Variants in FAM120B observed in about 807,000 individuals in gnomAD.
The protein encoded by FAM120B is constitutive coactivator of peroxisome proliferator-activated receptor gamma.
FAM120B carries 83 observed loss-of-function variants against 96.3 expected under a neutral mutation model. That is an observed-to-expected ratio of 0.86 (90% confidence interval 0.72 to 1.03). The LOEUF (loss-of-function observed/expected upper bound fraction) is 1.03. Ranked by LOEUF, FAM120B falls within the 50% of genes least tolerant of loss-of-function variation. The probability of loss-of-function intolerance (pLI) is 0.00; values close to 1 mark genes in which losing one functional copy is unlikely to be tolerated. For missense variants in FAM120B, 1,027 were observed against 1,121.2 expected (o/e 0.92, Z 1.20); for synonymous variants, 407 against 402.7 (o/e 1.01, Z -0.13).
intron 1 of FAM120B, chr6:170,297,929 C>T (rs1434095782): frequency 6.6e-6 from 1 of 152,224 alleles, no homozygotes; most frequent in African/African-American, 2.4e-5. Context: ...AAATACCGGT[C>T]AATAGGCCAC....
At chr6:170,361,560 G>T (rs1483074184) in intron 6 of FAM120B, among the ~76,000 whole-genome samples, 1 of 152,106 alleles carries the variant, frequency 6.6e-6, no homozygotes, top group Non-Finnish European at 1.5e-5. Context: ...GAGCAGAAAT[G>T]ATGGCAGTTG....
upstream of FAM120B, among the ~76,000 whole-genome samples, chr6:170,293,860 CT>C (rs1783940308): frequency 6.6e-6 from 1 of 151,542 alleles, no homozygotes; most frequent in Non-Finnish European, 1.5e-5. Flanking sequence ...CTATAGGAGC[CT>C]GTTGTAGTTT....
intron 6 of FAM120B, among the ~76,000 whole-genome samples, chr6:170,365,180 T>G (rs922305718): frequency 6.6e-6 from 1 of 152,096 alleles, no homozygotes; most frequent in Non-Finnish European, 1.5e-5. Context: ...GAATACGTAT[T>G]TGTGTGTGTG....
At chr6:170,393,242 C>T (rs1315817845) in intron 8 of FAM120B, among the ~76,000 whole-genome samples, 10 of 151,382 alleles carry the variant, frequency 6.6e-5, no homozygotes, top group Admixed American at 5.3e-4. Flanking sequence ...CCATGACAAG[C>T]GGCTGAGAGA....
At position 170,360,954 on chromosome 6, in the gene FAM120B, C is replaced by G. The variant is rs533665944; in HGVS notation, c.2283+2636C>G. On this transcript the variant is annotated intron_variant, in intron 6 of 10. Transcript: ENST00000476287. ...GGTGCAGCCTCCCCACAGCCTGACT[C>G]TGTTCTGACTGCTTCACGTTGCAGT... Among the ~76,000 whole-genome samples, 864 of 151,932 alleles carry G rather than the reference C, an allele frequency of 5.7e-3. 1 individual carries two copies. The highest frequency in any genetic ancestry group is 9.8e-3 in the Non-Finnish European group (668 of 67,960).
At chr6:170,379,684 T>A (rs1251751434) in intron 6 of FAM120B, among the ~76,000 whole-genome samples, 1 of 152,204 alleles carries the variant, frequency 6.6e-6, no homozygotes, top group East Asian at 1.9e-4. Flanking sequence ...TTGAAAACTG[T>A]CTCATAATTA....
rs1298288500 is a variant in FAM120B, at chr6:170,406,292, T to G, written c.*1541T>G. The G allele has an allele frequency of 6.6e-6, 1 of 152,270 alleles. No homozygotes were observed. The highest frequency in any genetic ancestry group is 1.5e-5 in the Non-Finnish European group (1 of 68,074). 9.4% of individuals were successfully genotyped at this position (152,270 alleles called of 1,614,324 possible). On this transcript the variant is annotated 3_prime_UTR_variant, in exon 11 of 11. Coordinates refer to ENST00000476287, the MANE Select transcript of FAM120B (RefSeq NM_032448.3). The stretch of plus-strand genomic sequence containing the variant: ...CTCCTGCTGGGCCATGCCATGGCTC[T>G]GAAGATGCCCCGTGTTCTTAGGAGG...
In FAM120B at chr6:170,318,317, A is replaced by G. The variant is rs1241085281; in HGVS notation, c.927A>G (p.Gln309=). 5 of 1,614,082 alleles carry G rather than the reference A, an allele frequency of 3.1e-6. No individual in the cohort carries two copies. Among genetic ancestry groups the G allele is most frequent in the South Asian group, 1.1e-5 (1 of 91,088 alleles). The change falls in exon 2 of 11, where the codon CAA becomes CAG. Residue 309 remains glutamine (Q), a synonymous_variant. Transcript: ENST00000476287. The part of the protein sequence containing the change: ...KGMASYLLPG[Q]KSPWFFQKPK... The stretch of plus-strand genomic sequence containing the variant: ...TGGCATCATATCTTTTACCAGGACA[A>G]AAATCTCCATGGTTTTTCCAAAAAC...
Position 170,363,469 on chromosome 6 carries a change from G to T in FAM120B, c.2283+5151G>T, listed in dbSNP as rs1788589067. Among the ~76,000 whole-genome samples, 1 of 152,238 alleles carries T rather than the reference G, an allele frequency of 6.6e-6. No individual in the cohort carries two copies. The highest frequency in any genetic ancestry group is 6.5e-5 in the Admixed American group (1 of 15,290). ...CCTCTGCCTTGTACAGCACAGCTTGGCCTGGGGCCTGCTGGGGCGCTCAGA... is the reference window on the plus strand; with the variant it reads ...CCTCTGCCTTGTACAGCACAGCTTGTCCTGGGGCCTGCTGGGGCGCTCAGA... On this transcript the variant is annotated intron_variant, in intron 6 of 10. Transcript: ENST00000476287. The surrounding 1 kb of genome is among the most constrained non-coding windows in gnomAD (Gnocchi z 4.5).
At chr6:170,317,303 G>T in intron 1 of FAM120B, 67 bp from the exon 2 acceptor site, 1 of 1,251,118 alleles carries the variant, frequency 8.0e-7, no homozygotes, top group Non-Finnish European at 1.1e-6. Context: ...TACTGTGTTT[G>T]CTTTGAAAGG....
intron 3 of FAM120B, among the ~76,000 whole-genome samples, chr6:170,327,154 C>G (rs1162871512): frequency 1.3e-5 from 2 of 152,120 alleles, no homozygotes; most frequent in Admixed American, 1.3e-4. Context: ...TCACACCATT[C>G]TCCTGCCTCA....
At chr6:170,395,821 T>C (rs1365543988) in intron 9 of FAM120B, among the ~76,000 whole-genome samples, 1 of 152,268 alleles carries the variant, frequency 6.6e-6, no homozygotes, top group Non-Finnish European at 1.5e-5. Flanking sequence ...CAGTTCATTC[T>C]GCTCAAGATC....
chr6:170,361,630 A>G (rs557167458), intron 6 of FAM120B, among the ~76,000 whole-genome samples: 36 of 152,120 alleles, frequency 2.4e-4, no homozygotes, highest in African/African-American at 8.4e-4. Context: ...TTTCCTATTC[A>G]TGTCTGTAAC....
chr6:170,317,777 T>C lies in FAM120B; in HGVS notation c.387T>C (p.Asn129=). ...CACACAAGGAGCAGCCAGGCAGAAATATGTTCTTCATCCCCTCAGGGCTAG... is the reference window on the plus strand; with the variant it reads ...CACACAAGGAGCAGCCAGGCAGAAACATGTTCTTCATCCCCTCAGGGCTAG... The part of the protein sequence containing the change: ...IKSHKEQPGR[N]MFFIPSGLAV... The change falls in exon 2 of 11, where the codon AAT becomes AAC. Residue 129 remains asparagine, a synonymous_variant. Transcript: ENST00000476287. The C allele has an allele frequency of 6.2e-7, 1 of 1,614,138 alleles. No individual in the cohort carries two copies. The highest frequency in any genetic ancestry group is 8.5e-7 in the Non-Finnish European group (1 of 1,180,026).
At chr6:170,350,476 C>T (rs1408042834) in intron 5 of FAM120B, among the ~76,000 whole-genome samples, 1 of 152,246 alleles carries the variant, frequency 6.6e-6, no homozygotes, top group Non-Finnish European at 1.5e-5. Flanking sequence ...GATCCTGTTC[C>T]TCCTGACTGG....
chr6:170,374,235 T>G (rs546903825), intron 6 of FAM120B, among the ~76,000 whole-genome samples: 3 of 152,236 alleles, frequency 2.0e-5, no homozygotes, highest in Non-Finnish European at 4.4e-5. Flanking sequence ...CTCCATTGGT[T>G]GTTTTGCCCA....
rs764391575 is a variant in FAM120B at position 170,348,221 on chromosome 6, A to G, written c.2088A>G (p.Thr696=). ...AAATACAGGTTCGGCGCTTGGACAC[A>G]CTCCTAGCCTGTTTCAATCTTTCCT... is the stretch of plus-strand genomic sequence containing the variant. ...EPEIQVRRLD[T]LLACFNLSSS... Residue 696 remains threonine, a synonymous_variant, in exon 5 of 11, where the codon ACA becomes ACG. Coordinates refer to ENST00000476287, the MANE Select transcript of FAM120B (RefSeq NM_032448.3). 7 of 1,613,946 alleles carry G rather than the reference A, an allele frequency of 4.3e-6. No homozygotes were observed. The highest frequency in any genetic ancestry group is 1.7e-4 in the Middle Eastern group (1 of 6,058).
chr6:170,360,270 CA>C (rs1469743172), intron 6 of FAM120B, among the ~76,000 whole-genome samples: 1 of 152,204 alleles, frequency 6.6e-6, no homozygotes, highest in East Asian at 1.9e-4. Flanking sequence ...CTGTGTGCCT[CA>C]GTGTCCTCTC....
upstream of FAM120B, chr6:170,291,205 CA>C: frequency 1.6e-6 from 1 of 627,974 alleles, no homozygotes; most frequent in Admixed American, 2.1e-5. Flanking sequence ...TACATTCCTG[CA>C]AAATGTTCAC....
Sources: gnomAD v4.1 joint callset for allele counts (sites outside exome capture counted in the v4.1 genomes callset) on GRCh38, gnomAD v4.1.1 for gene constraint, Gnocchi (gnomAD v3.1) non-coding constraint, MANE v1.5 for transcripts, NCBI Gene and HGNC (gene_info 2026-07-23, HGNC 2026-07-21) for gene names.